SMCR8: variants seen among roughly 807,000 people sequenced by gnomAD.
The protein encoded by SMCR8 is SMCR8-C9orf72 complex subunit.
Under a neutral mutation model 56.6 loss-of-function variants are expected in SMCR8, and 30 were observed. The observed-to-expected ratio is 0.53, with a 90% CI of 0.40 to 0.72. The LOEUF (loss-of-function observed/expected upper bound fraction) is 0.72. Ranked by LOEUF, SMCR8 falls within the 30% of genes least tolerant of loss-of-function variation. The pLI is 0.00. For missense variants in SMCR8, 1,198 were observed against 1,157.0 expected (o/e 1.04, Z -0.51); for synonymous variants, 538 against 456.0 (o/e 1.18, Z -2.29).
rs1292028097 is a variant in SMCR8 at position 18,315,754 on chromosome 17, A to C, written c.-36A>C. The C allele has an allele frequency of 1.3e-6, 2 of 1,535,890 alleles. No homozygotes were observed. Among genetic ancestry groups the C allele is most frequent in the Admixed American group, 4.0e-5 (2 of 49,400 alleles). On this transcript the variant is annotated 5_prime_UTR_variant, in exon 1 of 2. Transcript: ENST00000406438. ...GTCGATTAACACCGCATTCTTTCCC[A>C]CTTCCTCTCAATGTTTTCTTCATAT... is the stretch of plus-strand genomic sequence containing the variant.
In SMCR8 at chr17:18,323,014, A is replaced by T. The variant is rs764129740; in HGVS notation, c.2758A>T (p.Thr920Ser). 1 of 1,614,048 alleles carries T rather than the reference A, an allele frequency of 6.2e-7. No homozygotes were observed. Among genetic ancestry groups the T allele is most frequent in the Non-Finnish European group, 8.5e-7 (1 of 1,180,036 alleles). ...GCACTACATGCAGGAATCTCCAGGG[A>T]CCAGCCACCCCATGCTCAGGTTTGA... ...KLHYMQESPG[T>S]SHPMLRFDYV... The change falls in exon 2 of 2, where the codon ACC becomes TCC. Residue 920 changes from threonine to serine, a missense_variant. Transcript: ENST00000406438.
Position 18,316,494 on chromosome 17 carries a change from A to T in SMCR8, c.705A>T (p.Glu235Asp), listed in dbSNP as rs763922104. 2 of 1,614,184 alleles carry T rather than the reference A, an allele frequency of 1.2e-6. No individual in the cohort carries two copies. The highest frequency in any genetic ancestry group is 1.7e-6 in the Non-Finnish European group (2 of 1,180,036). ...CTCAGGCAATTGAGAAAGCCAATGA[A>T]CTGGCCAGTGTGGAGAAGTCCATCA... ...YSSQAIEKANELASVEKSIIE... is the reference protein window; with the variant it reads ...YSSQAIEKANDLASVEKSIIE... The change falls in exon 1 of 2, where the codon GAA becomes GAT. Residue 235 changes from glutamate to aspartate, a missense_variant. Physicochemically the swap from Glu to Asp is conservative, Grantham distance 45 (BLOSUM62 2). Coordinates refer to ENST00000406438, the MANE Select transcript of SMCR8 (RefSeq NM_144775.3).
rs536156720 is a variant in SMCR8, at chr17:18,317,856, C to G, written c.2067C>G (p.Ile689Met). 3 of 1,614,156 alleles carry G rather than the reference C, an allele frequency of 1.9e-6. No individual in the cohort carries two copies. The East Asian group carries it at 6.7e-5, about 36-fold the overall frequency. Residue 689 changes from isoleucine to methionine, a missense_variant, in exon 1 of 2, where the codon ATC (isoleucine) becomes ATG (methionine). Coordinates refer to ENST00000406438, the MANE Select transcript of SMCR8 (RefSeq NM_144775.3). ...SSVASTSSDR[I>M]PSAYPAGLSS... is the part of the protein sequence containing the mutation. ...TAGCGTCCACCAGCTCAGACAGGAT[C>G]CCCTCTGCTTATCCTGCTGGCCTGT...
intron 1 of SMCR8, among the ~76,000 whole-genome samples, chr17:18,321,544 G>A (rs1982497757): frequency 6.6e-6 from 1 of 152,270 alleles, no homozygotes; most frequent in Admixed American, 6.5e-5. Flanking sequence ...CATGAGGGAT[G>A]TAATAGTAGT....
At position 18,326,140 on chromosome 17, in the gene SMCR8, C is replaced by A. The variant is rs1452574411; in HGVS notation, c.*3070C>A. On this transcript the variant is annotated 3_prime_UTR_variant, in exon 2 of 2. Coordinates refer to ENST00000406438, the MANE Select transcript of SMCR8 (RefSeq NM_144775.3). ...TTTTTAATGAAACCATTAAAAATTA[C>A]ACTTCCCAGAAAATAGATGACATCA... The A allele has an allele frequency of 1.3e-5, 2 of 152,118 alleles. No homozygotes were observed. The highest frequency in any genetic ancestry group is 2.4e-5 in the African/African-American group (1 of 41,418). 9.4% of individuals were successfully genotyped at this position (152,118 alleles called of 1,614,324 possible).
chr17:18,320,929 C>A lies in SMCR8; in HGVS notation c.2361-1688C>A, dbSNP rs1598001145. ...CCCCAGGTCTTCCCAACTACAGCCT[C>A]TCCCAGGGAGAATGAGACCTTGTCT... On this transcript the variant is annotated intron_variant, in intron 1 of 1. Transcript: ENST00000406438. Among the ~76,000 whole-genome samples the A allele has an allele frequency of 2.0e-5, 3 of 152,216 alleles. No homozygotes were observed. In the East Asian group the frequency reaches 5.8e-4, roughly 29 times the overall value.
Position 18,327,827 on chromosome 17 carries a change from A to G in SMCR8, c.*4757A>G, listed in dbSNP as rs1371653102. On this transcript the variant is annotated 3_prime_UTR_variant, in exon 2 of 2. Transcript: ENST00000406438. Reference sequence around the variant, plus strand: ...GATAGCATCTCGTAGGTGTTGCTGCACAAGAGTTAACCAGAGTCAATGCCA... The same window carrying G: ...GATAGCATCTCGTAGGTGTTGCTGCGCAAGAGTTAACCAGAGTCAATGCCA... 1 of 152,646 alleles carries G rather than the reference A, an allele frequency of 6.6e-6. No homozygotes were observed. The highest frequency in any genetic ancestry group is 2.4e-5 in the African/African-American group (1 of 41,448). 9.5% of individuals were successfully genotyped at this position (152,646 alleles called of 1,614,324 possible).
At position 18,327,600 on chromosome 17, in the gene SMCR8, G is replaced by A. The variant is rs546111442; in HGVS notation, c.*4530G>A. The A allele has an allele frequency of 5.3e-5, 8 of 152,360 alleles. No individual in the cohort carries two copies. The East Asian group carries it at 1.5e-3, about 29-fold the overall frequency. The allele number at this position is 152,360 out of a possible 1,614,324, so 9.4% of individuals were successfully genotyped here. A position where few individuals can be genotyped will look rare whatever the true frequency, so the allele number is the denominator to read the frequency against. On this transcript the variant is annotated 3_prime_UTR_variant, in exon 2 of 2. Transcript: ENST00000406438. ...CGGGATTGTCTGCCACTAAATAGCT[G>A]GAGTCACAGATTGAGATAAATGCCA...
chr17:18,316,130 A>C lies in SMCR8; in HGVS notation c.341A>C (p.Lys114Thr). ...VGHPPGSAYPKLNFVEDSKVV... is the reference protein window; with the variant it reads ...VGHPPGSAYPTLNFVEDSKVV... ...CATCCTCCTGGATCTGCCTACCCCA[A>C]GCTGAACTTCGTGGAGGACTCCAAG... The change falls in exon 1 of 2, where the codon AAG becomes ACG. Residue 114 changes from lysine (K) to threonine (T), a missense_variant. Coordinates refer to ENST00000406438, the MANE Select transcript of SMCR8 (RefSeq NM_144775.3). The C allele has an allele frequency of 1.2e-6, 2 of 1,614,126 alleles. No homozygotes were observed. Among genetic ancestry groups the C allele is most frequent in the Non-Finnish European group, 1.7e-6 (2 of 1,180,010 alleles).
In SMCR8 at chr17:18,315,490, T is replaced by C. The variant is rs1563634; in HGVS notation, c.-300T>C. 230,448 of 333,798 alleles carry C rather than the reference T, an allele frequency of 0.69. 81,146 individuals carry two copies. Among genetic ancestry groups the C allele is most frequent in the African/African-American group, 0.86 (40,843 of 47,600 alleles). 20.7% of individuals were successfully genotyped at this position (333,798 alleles called of 1,614,324 possible). ...GTGGGTTCCGGAGAGTGCAGGTGAT[T>C]TCGCAGCAGGTTTCTTGTGCTGGCC... On this transcript the variant is annotated 5_prime_UTR_variant, in exon 1 of 2. Coordinates refer to ENST00000406438, the MANE Select transcript of SMCR8 (RefSeq NM_144775.3).
rs1270916765 is a variant in SMCR8, at chr17:18,322,829, C to T, written c.2573C>T (p.Ala858Val). Residue 858 changes from alanine to valine, a missense_variant, in exon 2 of 2, where the codon GCC becomes GTC. Ala to Val is a moderately conservative substitution (Grantham distance 64, BLOSUM62 0). Coordinates refer to ENST00000406438, the MANE Select transcript of SMCR8 (RefSeq NM_144775.3). ...QSMLTQLCSK[A>V]FLYTFCHHLH... Reference sequence around the variant, plus strand: ...ATGCTCACCCAGCTCTGCTCCAAGGCCTTCCTCTACACCTTCTGCCACCAC... The same window carrying T: ...ATGCTCACCCAGCTCTGCTCCAAGGTCTTCCTCTACACCTTCTGCCACCAC... The T allele has an allele frequency of 6.2e-7, 1 of 1,614,054 alleles. No individual in the cohort carries two copies. The highest frequency in any genetic ancestry group is 8.5e-7 in the Non-Finnish European group (1 of 1,179,894).
chr17:18,322,868 C>T lies in SMCR8; in HGVS notation c.2612C>T (p.Thr871Ile), dbSNP rs1456581087. The T allele has an allele frequency of 6.2e-7, 1 of 1,614,118 alleles. No homozygotes were observed. Among genetic ancestry groups the T allele is most frequent in the African/African-American group, 1.3e-5 (1 of 75,044 alleles). Reference sequence around the variant, plus strand: ...TTCTGCCACCACCTGCACCTGCCTACCCACGACAAGGAGACAGAGGAGCTG... The same window carrying T: ...TTCTGCCACCACCTGCACCTGCCTATCCACGACAAGGAGACAGAGGAGCTG... ...YTFCHHLHLP[T>I]HDKETEELVA... is the part of the protein sequence containing the mutation. The change falls in exon 2 of 2, where the codon ACC (threonine) becomes ATC (isoleucine). Residue 871 changes from threonine (T) to isoleucine (I), a missense_variant. Coordinates refer to ENST00000406438, the MANE Select transcript of SMCR8 (RefSeq NM_144775.3).
rs1982628248 is a variant in SMCR8, at chr17:18,325,646, A to G, written c.*2576A>G. 6.6e-6 allele frequency: 1 copy of G among 152,234 alleles called. No homozygotes were observed. The highest frequency in any genetic ancestry group is 2.4e-5 in the African/African-American group (1 of 41,466). The allele number at this position is 152,234 out of a possible 1,614,324, so 9.4% of individuals were successfully genotyped here. ...CATGATTTGGGCAGAGGCAGTTAAC[A>G]CTGGGAAGCCCTGCCCCTCCCTATG... On this transcript the variant is annotated 3_prime_UTR_variant, in exon 2 of 2. Transcript: ENST00000406438.
rs752339006 is a variant in SMCR8, at chr17:18,317,986, C to T, written c.2197C>T (p.Leu733Phe). The T allele has an allele frequency of 1.2e-6, 2 of 1,614,260 alleles. No homozygotes were observed. The highest frequency in any genetic ancestry group is 1.7e-6 in the Non-Finnish European group (2 of 1,180,054). ...AIYSLLSGRT[L>F]VVLGEDEAIV... ...CTACTCCCTGCTCAGTGGGAGGACA[C>T]TTGTGGTCCTGGGGGAAGATGAGGC... The change falls in exon 1 of 2, where the codon CTT becomes TTT. Residue 733 changes from leucine (L) to phenylalanine (F), a missense_variant. By Grantham distance (22) the Leu-to-Phe change is conservative. Coordinates refer to ENST00000406438, the MANE Select transcript of SMCR8 (RefSeq NM_144775.3).
In SMCR8 at chr17:18,322,669, C is replaced by T. The variant is rs201638935; in HGVS notation, c.2413C>T (p.Arg805Cys). The T allele has an allele frequency of 6.6e-5, 106 of 1,614,228 alleles. No individual in the cohort carries two copies. Among genetic ancestry groups the T allele is most frequent in the South Asian group, 1.3e-4 (12 of 91,090 alleles). The change falls in exon 2 of 2, where the codon CGC becomes TGC. Residue 805 changes from arginine (R) to cysteine (C), a missense_variant. Arg to Cys is a radical substitution (Grantham distance 180). Transcript: ENST00000406438. ...CCTCCATGCCCTGAGCCGCTACAGC[C>T]GCTACACGAGCATCCTGGACCTTGA... ...GTLHALSRYS[R>C]YTSILDLDNK...
At position 18,316,534 on chromosome 17, in the gene SMCR8, C is replaced by T. The variant is rs1982293736; in HGVS notation, c.745C>T (p.Leu249=). The change falls in exon 1 of 2, where the codon CTG becomes TTG. Residue 249 remains leucine, a synonymous_variant. Transcript: ENST00000406438. Reference sequence around the variant, plus strand: ...GAAGTCCATCATTGAACATCAAGACCTGCTGAAGCAGATCCGCTCATACCC... The same window carrying T: ...GAAGTCCATCATTGAACATCAAGACTTGCTGAAGCAGATCCGCTCATACCC... ...VEKSIIEHQD[L]LKQIRSYPHR... 4 of 1,614,144 alleles carry T rather than the reference C, an allele frequency of 2.5e-6. No homozygotes were observed. The highest frequency in any genetic ancestry group is 1.6e-4 in the Middle Eastern group (1 of 6,062).
intron 1 of SMCR8, among the ~76,000 whole-genome samples, chr17:18,321,333 T>TG (rs890643833): frequency 1.3e-5 from 2 of 152,120 alleles, no homozygotes; most frequent in African/African-American, 4.8e-5. Flanking sequence ...TGCCAGGCAT[T>TG]GGGGGCATGA....
rs1175621320 is a variant in SMCR8, at chr17:18,317,221, G to C, written c.1432G>C (p.Glu478Gln). The C allele has an allele frequency of 1.9e-6, 3 of 1,614,020 alleles. No individual in the cohort carries two copies. The African/African-American group carries it at 4.0e-5, about 22-fold the overall frequency. Residue 478 changes from glutamate (E) to glutamine (Q), a missense_variant, in exon 1 of 2, where the codon GAG becomes CAG. By Grantham distance (29) the Glu-to-Gln change is conservative. Coordinates refer to ENST00000406438, the MANE Select transcript of SMCR8 (RefSeq NM_144775.3). ...TGAAAGTATTGAAGTTTTGGGCACGGAGAAATCCACCTCCGTGCTTTCTAA... is the reference window on the plus strand; with the variant it reads ...TGAAAGTATTGAAGTTTTGGGCACGCAGAAATCCACCTCCGTGCTTTCTAA... ...SGESIEVLGT[E>Q]KSTSVLSKSD...
Position 18,315,519 on chromosome 17 carries a change from C to A in SMCR8, c.-271C>A. ...CAGCAGGTTTCTTGTGCTGGCCGCG[C>A]TCGCCGGACGAAGAAGAGAAGGGCA... On this transcript the variant is annotated 5_prime_UTR_variant, in exon 1 of 2. Coordinates refer to ENST00000406438, the MANE Select transcript of SMCR8 (RefSeq NM_144775.3). The A allele has an allele frequency of 2.4e-6, 1 of 410,852 alleles. No individual in the cohort carries two copies. Among genetic ancestry groups the A allele is most frequent in the Non-Finnish European group, 4.4e-6 (1 of 229,606 alleles). 25.5% of individuals were successfully genotyped at this position (410,852 alleles called of 1,614,324 possible).
Sources: gnomAD v4.1 joint callset for allele counts (sites outside exome capture counted in the v4.1 genomes callset) on GRCh38, gnomAD v4.1.1 for gene constraint, MANE v1.5 for transcripts, NCBI Gene and HGNC (gene_info 2026-07-23, HGNC 2026-07-21) for gene names.